PRAMEF2: variants seen among roughly 807,000 people sequenced by gnomAD.
The protein encoded by PRAMEF2 is PRAME family member 2.
A neutral mutation model predicts 38.0 loss-of-function variants in PRAMEF2; 35 were observed. The ratio of observed to expected loss-of-function variants is 0.92; its 90% CI spans 0.70 to 1.22. The LOEUF (loss-of-function observed/expected upper bound fraction) is 1.22. Among genes scored for constraint, PRAMEF2 ranks in the 50% most tolerant of loss-of-function variants. The pLI, the probability that PRAMEF2 is intolerant of heterozygous loss-of-function variation, is 0.00. For synonymous variants in PRAMEF2, 240 were observed against 232.4 expected (o/e 1.03, Z -0.30); for missense variants, 562 against 553.9 (o/e 1.01, Z -0.15).
rs557170866 is a variant in PRAMEF2 at position 12,861,546 on chromosome 1, C to T, written c.1192C>T (p.Leu398=). The T allele has an allele frequency of 6.2e-6, 10 of 1,605,460 alleles. No homozygotes were observed. The highest frequency in any genetic ancestry group is 3.3e-5 in the South Asian group (3 of 90,630). ...GTCTATTGACGCCCTGAAGGACCTG[C>T]TGCGCCACACCAGTGGGCTGAGCAA... is the stretch of plus-strand genomic sequence containing the variant. The part of the protein sequence containing the change: ...CMSIDALKDL[L]RHTSGLSKLS... The change falls in exon 4 of 4, where the codon CTG becomes TTG. Residue 398 remains leucine (L), a synonymous_variant. Transcript: ENST00000240189.
rs762921154 is a variant in PRAMEF2 at position 12,859,065 on chromosome 1, G to A, written c.56G>A (p.Arg19Lys). 2.1e-5 allele frequency: 34 copies of A among 1,604,038 alleles called. 1 individual carries two copies. In the South Asian group the frequency reaches 3.7e-4, roughly 17 times the overall value. The change falls in exon 2 of 4, where the codon AGA becomes AAA. Residue 19 changes from arginine to lysine, a missense_variant. Arg to Lys is a conservative substitution (Grantham distance 26). Coordinates refer to ENST00000240189, the MANE Select transcript of PRAMEF2 (RefSeq NM_023014.1). The stretch of plus-strand genomic sequence containing the variant: ...GAGCTGGCGGGGCAGAGCCTGCTGA[G>A]AGACCAGGCCTTGTCCATCTCTGCC... ...LLELAGQSLL[R>K]DQALSISAME...
rs775048421 is a variant in PRAMEF2 at position 12,859,832 on chromosome 1, G to C, written c.427G>C (p.Glu143Gln). 4 of 1,607,532 alleles carry C rather than the reference G, an allele frequency of 2.5e-6. No individual in the cohort carries two copies. The highest frequency in any genetic ancestry group is 1.3e-5 in the African/African-American group (1 of 74,472). The change falls in exon 3 of 4, where the codon GAG (glutamate) becomes CAG (glutamine). Residue 143 changes from glutamate to glutamine, a missense_variant. By Grantham distance (29) the Glu-to-Gln change is conservative (BLOSUM62 2). Coordinates refer to ENST00000240189, the MANE Select transcript of PRAMEF2 (RefSeq NM_023014.1). ...AGCAGAGGACTGTCCAAGGACGGGA[G>C]AGCACCAGCCCTTAAAGGTGTTCAT... ...QTAEDCPRTG[E>Q]HQPLKVFIDI... is the part of the protein sequence containing the mutation.
chr1:12,860,315 C>T (rs1279247030), intron 3 of PRAMEF2, 44 bp downstream of exon 3: 1 of 1,600,162 alleles, frequency 6.2e-7, no homozygotes, highest in East Asian at 2.2e-5. Flanking sequence ...ACAGCACAGA[C>T]TTGTTCTGTT....
chr1:12,859,821 C>A lies in PRAMEF2; in HGVS notation c.416C>A (p.Pro139Gln). The change falls in exon 3 of 4, where the codon CCA becomes CAA. Residue 139 changes from proline to glutamine, a missense_variant. Transcript: ENST00000240189. ...MSKRQTAEDCPRTGEHQPLKV... is the reference protein window; with the variant it reads ...MSKRQTAEDCQRTGEHQPLKV... The stretch of plus-strand genomic sequence containing the variant: ...AAGAGGCAGACAGCAGAGGACTGTC[C>A]AAGGACGGGAGAGCACCAGCCCTTA... 6.2e-7 allele frequency: 1 copy of A among 1,607,506 alleles called. No individual in the cohort carries two copies. The highest frequency in any genetic ancestry group is 8.5e-7 in the Non-Finnish European group (1 of 1,177,914).
Position 12,860,287 on chromosome 1 carries a change from G to A in PRAMEF2, c.866+16G>A. ...AGCTGATCAGGTGAGAAAGGATTGTGCACTTTGTATGCAGACCACAGCACA... is the reference window on the plus strand; with the variant it reads ...AGCTGATCAGGTGAGAAAGGATTGTACACTTTGTATGCAGACCACAGCACA... On this transcript the variant is annotated intron_variant, in intron 3 of 3. Transcript: ENST00000240189. The A allele has an allele frequency of 6.9e-7, 1 of 1,446,932 alleles. No individual in the cohort carries two copies. The highest frequency in any genetic ancestry group is 9.3e-7 in the Non-Finnish European group (1 of 1,070,940). 89.6% of individuals were successfully genotyped at this position (1,446,932 alleles called of 1,614,324 possible).
At chr1:12,860,803 G>C (rs1164054959) in intron 3 of PRAMEF2, among the ~76,000 whole-genome samples, 1 of 150,022 alleles carries the variant, frequency 6.7e-6, no homozygotes, top group East Asian at 2.0e-4. Flanking sequence ...GTAGGCGTGA[G>C]AGTGGTAAAA....
Position 12,858,639 on chromosome 1 carries a change from A to T in PRAMEF2, c.-25-346A>T, listed in dbSNP as rs748884978. ...GGCCCACGGGACACTCTCATTCTCA[A>T]TGCTTTAGGGTGGTAAGTGACAAGA... is the stretch of plus-strand genomic sequence containing the variant. On this transcript the variant is annotated intron_variant, in intron 1 of 3. Coordinates refer to ENST00000240189, the MANE Select transcript of PRAMEF2 (RefSeq NM_023014.1). 7.3e-5 allele frequency among the ~76,000 whole-genome samples: 11 copies of T among 150,058 alleles called. 1 individual carries two copies. The highest frequency in any genetic ancestry group is 2.0e-4 in the East Asian group (1 of 5,116).
intron 1 of PRAMEF2, among the ~76,000 whole-genome samples, chr1:12,857,905 G>A (rs2100387017): frequency 6.8e-6 from 1 of 146,872 alleles, no homozygotes; most frequent in Non-Finnish European, 1.5e-5. Context: ...TGCCATGTTG[G>A]CCATGCTGGC....
chr1:12,858,868 T>G, intron 1 of PRAMEF2, 117 bp from the exon 2 acceptor site: 2 of 1,186,332 alleles, frequency 1.7e-6, no homozygotes, highest in Non-Finnish European at 2.4e-6. Context: ...ACAGTGGAAT[T>G]GGGGTAAAGT....
At position 12,860,374 on chromosome 1, in the gene PRAMEF2, C is replaced by A. The variant is rs1330539059; in HGVS notation, c.866+103C>A. On this transcript the variant is annotated intron_variant, in intron 3 of 3. Coordinates refer to ENST00000240189, the MANE Select transcript of PRAMEF2 (RefSeq NM_023014.1). The stretch of plus-strand genomic sequence containing the variant: ...ACTGTGTGCCAGCCAGTGGCAACGT[C>A]ACAGTGAAGGGAACACCAGAATGTC... 3 of 1,545,440 alleles carry A rather than the reference C, an allele frequency of 1.9e-6. No individual in the cohort carries two copies. The African/African-American group carries it at 4.1e-5, about 21-fold the overall frequency.
In PRAMEF2 at chr1:12,860,071, A is replaced by G. The variant is rs1299955526; in HGVS notation, c.666A>G (p.Arg222=). 6.2e-7 allele frequency: 1 copy of G among 1,606,670 alleles called. No individual in the cohort carries two copies. The highest frequency in any genetic ancestry group is 1.3e-5 in the African/African-American group (1 of 74,288). The part of the protein sequence containing the change: ...IHNTCWPHLI[R]KLYCYLKEMK... ...ACACGTGCTGGCCACATCTGATAAG[A>G]AAGCTTTATTGTTACCTGAAGGAGA... Residue 222 remains arginine (R), a synonymous_variant, in exon 3 of 4, where the codon AGA becomes AGG. Transcript: ENST00000240189.
At position 12,859,249 on chromosome 1, in the gene PRAMEF2, A is replaced by C; in HGVS notation, c.240A>C (p.Ala80=). ...CGCTTCATCTGGAGCCATTGAAAGC[A>C]TTGCTGGAAGGGCTTCATATGCTGC... is the stretch of plus-strand genomic sequence containing the variant. ...MKTLHLEPLK[A]LLEGLHMLLT... The change falls in exon 2 of 4, where the codon GCA becomes GCC. Residue 80 remains alanine, a synonymous_variant. Coordinates refer to ENST00000240189, the MANE Select transcript of PRAMEF2 (RefSeq NM_023014.1). The C allele has an allele frequency of 6.2e-7, 1 of 1,610,416 alleles. No homozygotes were observed.
rs756359217 is a variant in PRAMEF2 at position 12,859,173 on chromosome 1, T to C, written c.164T>C (p.Met55Thr). 5.0e-6 allele frequency: 8 copies of C among 1,608,484 alleles called. No individual in the cohort carries two copies. The South Asian group carries it at 5.5e-5, about 11-fold the overall frequency. ...SRRHFQTLTV[M>T]VQAWPFTCLP... is the part of the protein sequence containing the mutation. ...AGACACTTCCAGACTCTGACGGTGATGGTGCAGGCCTGGCCTTTCACCTGC... is the reference window on the plus strand; with the variant it reads ...AGACACTTCCAGACTCTGACGGTGACGGTGCAGGCCTGGCCTTTCACCTGC... The change falls in exon 2 of 4, where the codon ATG becomes ACG. Residue 55 changes from methionine to threonine, a missense_variant. Physicochemically the swap from Met to Thr is moderately conservative, Grantham distance 81 (BLOSUM62 -1). This residue lies in a region of PRAMEF2 where 486 missense variants were observed against 444.2 expected (regional missense o/e 1.09). Transcript: ENST00000240189.
At position 12,859,751 on chromosome 1, in the gene PRAMEF2, TG is replaced by T; in HGVS notation, c.348del (p.Trp116CysfsTer14). On this transcript the variant is annotated frameshift_variant, in exon 3 of 4. Coordinates refer to ENST00000240189, the MANE Select transcript of PRAMEF2 (RefSeq NM_023014.1). LOFTEE classifies it high-confidence loss of function. ...TGTTGATGAGAATTTCTGGGCCAGA[TG>T]GCCTGGAGCCTGGGCCCTGTCCTGC... is the stretch of plus-strand genomic sequence containing the variant. ...RDVDENFWAR[W>X]PGAWALSCFP... is the part of the protein sequence containing the mutation. The T allele has an allele frequency of 1.2e-6, 2 of 1,606,262 alleles. No individual in the cohort carries two copies. Among genetic ancestry groups the T allele is most frequent in the Non-Finnish European group, 1.7e-6 (2 of 1,177,098 alleles).
At chr1:12,858,181 C>T (rs1017441892) in intron 1 of PRAMEF2, among the ~76,000 whole-genome samples, 8 of 149,992 alleles carry the variant, frequency 5.3e-5, no homozygotes, top group Admixed American at 2.8e-4. Flanking sequence ...AGTGATTCTC[C>T]TTCCTCTGCC....
chr1:12,857,945 C>A (rs1640473629), intron 1 of PRAMEF2, among the ~76,000 whole-genome samples: 2 of 145,962 alleles, frequency 1.4e-5, no homozygotes, highest in East Asian at 4.0e-4. Context: ...GAGATCTGCC[C>A]CCCTCAGACT....
At chr1:12,860,841 A>C (rs1316011266) in intron 3 of PRAMEF2, among the ~76,000 whole-genome samples, 6 of 150,090 alleles carry the variant, frequency 4.0e-5, no homozygotes, top group African/African-American at 1.5e-4. Context: ...AGATGCAGGC[A>C]TGTCAGGGAG....
Position 12,861,377 on chromosome 1 carries a change from A to G in PRAMEF2, c.1023A>G (p.Gly341=). 1.2e-6 allele frequency: 2 copies of G among 1,605,400 alleles called. No homozygotes were observed. The highest frequency in any genetic ancestry group is 1.3e-5 in the African/African-American group (1 of 74,328). The stretch of plus-strand genomic sequence containing the variant: ...TCCGCATCAGTCTTGAACCCCTAGG[A>G]GCTCTGCTAGAGAAAATTGCTGCCT... The part of the protein sequence containing the change: ...LLFRISLEPL[G]ALLEKIAASL... Residue 341 remains glycine (G), a synonymous_variant, in exon 4 of 4, where the codon GGA becomes GGG. Transcript: ENST00000240189.
In PRAMEF2 at chr1:12,859,256, G is replaced by A. The variant is rs9728577; in HGVS notation, c.247G>A (p.Glu83Lys). The change falls in exon 2 of 4, where the codon GAA becomes AAA. Residue 83 changes from glutamate to lysine, a missense_variant. Coordinates refer to ENST00000240189, the MANE Select transcript of PRAMEF2 (RefSeq NM_023014.1). ...LHLEPLKALL[E>K]GLHMLLTQKD... is the part of the protein sequence containing the mutation. The stretch of plus-strand genomic sequence containing the variant: ...TCTGGAGCCATTGAAAGCATTGCTG[G>A]AAGGGCTTCATATGCTGCTTACACA... The A allele has an allele frequency of 0.049, 79,250 of 1,607,794 alleles. 38 individuals are homozygous for A. Among genetic ancestry groups the A allele is most frequent in the East Asian group, 0.22 (9,662 of 44,578 alleles).
Sources: allele counts gnomAD v4.1 joint callset (sites outside exome capture counted in the v4.1 genomes callset), GRCh38; gene constraint gnomAD v4.1.1; regional missense constraint gnomAD v4.1.1; transcripts MANE v1.5; gene names NCBI Gene and HGNC (gene_info 2026-07-23, HGNC 2026-07-21).